The following NANOS3 variants were observed in gnomAD, a reference collection of about 807,000 sequenced individuals.
NANOS3 encodes the protein nanos C2HC-type zinc finger 3.
Under a neutral mutation model 13.8 loss-of-function variants are expected in NANOS3, and 11 were observed. The observed-to-expected ratio is 0.80, with a 90% CI of 0.50 to 1.32. NANOS3 has a LOEUF of 1.32. Ranked by LOEUF, NANOS3 falls within the 40% of genes most tolerant of loss-of-function variation. NANOS3 has a pLI of 0.00. For synonymous variants in NANOS3, 119 were observed against 115.4 expected (o/e 1.03, Z -0.20); for missense variants, 221 against 263.8 (o/e 0.84, Z 1.12).
At chr19:13,865,300 C>A (rs1255559589), upstream of NANOS3, 1 of 143,216 alleles carries the variant, frequency 7.0e-6, no homozygotes. Flanking sequence ...CCCCCCCCCG[C>A]CCACGGCCTA....
At chr19:13,877,909 G>A (rs892969935) in intron 1 of NANOS3, 144 bp downstream of exon 1, 26 of 1,402,048 alleles carry the variant, frequency 1.9e-5, no homozygotes, top group South Asian at 6.2e-5. Context: ...TTTTATTTAC[G>A]TATTTATTTA....
At chr19:13,874,879 C>T (rs532036209), upstream of NANOS3, 1 of 524,686 alleles carries the variant, frequency 1.9e-6, no homozygotes, top group Non-Finnish European at 4.0e-6. Context: ...GGGCACGTCC[C>T]CTCCCCTAGG....
upstream of NANOS3, among the ~76,000 whole-genome samples, chr19:13,862,480 G>T (rs1205476336): frequency 6.6e-6 from 1 of 152,148 alleles, no homozygotes; most frequent in Non-Finnish European, 1.5e-5. Flanking sequence ...GCCGGTCCTG[G>T]AGAAGAGACG....
At chr19:13,872,097 G>A (rs1599301003) in intron 1 of NANOS3, among the ~76,000 whole-genome samples, 2 of 151,976 alleles carry the variant, frequency 1.3e-5, no homozygotes, top group Admixed American at 6.6e-5. Flanking sequence ...GCTGGGTGCC[G>A]TGGTTCATGC....
intron 1 of NANOS3, among the ~76,000 whole-genome samples, chr19:13,879,180 C>T (rs1968579554): frequency 6.6e-6 from 1 of 151,960 alleles, no homozygotes; most frequent in Non-Finnish European, 1.5e-5. Flanking sequence ...ACCTCGAGAT[C>T]CACCCGCCTT....
intron 1 of NANOS3, among the ~76,000 whole-genome samples, chr19:13,866,888 T>C (rs954336116): frequency 6.6e-5 from 10 of 151,292 alleles, no homozygotes; most frequent in Admixed American, 2.6e-4. Context: ...CACACACACA[T>C]ACACACACAC....
upstream of NANOS3, chr19:13,874,964 T>C (rs767910673): frequency 9.5e-6 from 5 of 528,448 alleles, no homozygotes; most frequent in Non-Finnish European, 2.0e-5. Context: ...CACCGGGGGA[T>C]GAATGTCACT....
At chr19:13,864,871 C>A (rs1045294767), upstream of NANOS3, among the ~76,000 whole-genome samples, 46 of 152,128 alleles carry the variant, frequency 3.0e-4, no homozygotes, top group African/African-American at 1.9e-4. Context: ...GCCCGGCACG[C>A]CCGCACGTCC....
upstream of NANOS3, among the ~76,000 whole-genome samples, chr19:13,864,366 GA>G (rs1414295682): frequency 1.3e-5 from 2 of 152,074 alleles, no homozygotes; most frequent in Non-Finnish European, 2.9e-5. Flanking sequence ...ACGTGCCCCT[GA>G]ATTGCGTGTG....
chr19:13,862,303 T>TC (rs2145058470), upstream of NANOS3: 1 of 151,526 alleles, frequency 6.6e-6, no homozygotes, highest in African/African-American at 2.4e-5. Flanking sequence ...GCCTGGGGTG[T>TC]CCAGGCAGAG....
At chr19:13,865,830 G>A (rs1397358206) in intron 1 of NANOS3, among the ~76,000 whole-genome samples, 2 of 151,274 alleles carry the variant, frequency 1.3e-5, no homozygotes, top group African/African-American at 2.4e-5. Context: ...GACCGCGCGC[G>A]GGGAGGCCAC....
chr19:13,870,127 T>C (rs1001806667), intron 1 of NANOS3, among the ~76,000 whole-genome samples: 1 of 151,840 alleles, frequency 6.6e-6, no homozygotes, highest in Non-Finnish European at 1.5e-5. Flanking sequence ...TGCGTCTCAC[T>C]CACTGCAGCC....
upstream of NANOS3, among the ~76,000 whole-genome samples, chr19:13,876,386 T>A (rs1968512716): frequency 6.6e-6 from 1 of 152,066 alleles, no homozygotes; most frequent in African/African-American, 2.4e-5. Context: ...TCTCGAACTC[T>A]TGACCTCAGG....
chr19:13,864,265 G>A (rs1189052105), upstream of NANOS3, among the ~76,000 whole-genome samples: 13 of 152,096 alleles, frequency 8.5e-5, no homozygotes, highest in Admixed American at 8.5e-4. Context: ...TGGGAGATCC[G>A]GGGAGCCCCA....
At chr19:13,876,999 G>A (rs1196640357), upstream of NANOS3, among the ~76,000 whole-genome samples, 1 of 152,134 alleles carries the variant, frequency 6.6e-6, no homozygotes, top group Admixed American at 6.5e-5. Flanking sequence ...CACAGCCAGA[G>A]GCCATACAGC....
chr19:13,864,264 C>T (rs1976198181), upstream of NANOS3, among the ~76,000 whole-genome samples: 1 of 152,012 alleles, frequency 6.6e-6, no homozygotes, highest in Non-Finnish European at 1.5e-5. Context: ...TTGGGAGATC[C>T]GGGGAGCCCC....
At chr19:13,875,110 G>A, upstream of NANOS3, 1 of 374,642 alleles carries the variant, frequency 2.7e-6, no homozygotes, top group Admixed American at 2.9e-5. Context: ...CTGGAATCTG[G>A]ATGGGCTCTG....
intron 1 of NANOS3, among the ~76,000 whole-genome samples, chr19:13,879,566 T>C (rs1968586057): frequency 6.6e-6 from 1 of 152,104 alleles, no homozygotes; most frequent in Admixed American, 6.5e-5. Flanking sequence ...TGAAACCCAG[T>C]GTCTACAAAA....
At chr19:13,867,855 A>C (rs1294084173) in intron 1 of NANOS3, among the ~76,000 whole-genome samples, 1 of 152,122 alleles carries the variant, frequency 6.6e-6, no homozygotes, top group African/African-American at 2.4e-5. Flanking sequence ...CCCAGTGGCC[A>C]TATGCCCATC....
Sources: gnomAD v4.1 joint callset for allele counts (sites outside exome capture counted in the v4.1 genomes callset) on GRCh38, gnomAD v4.1.1 for gene constraint, MANE v1.5 for transcripts, NCBI Gene and HGNC (gene_info 2026-07-23, HGNC 2026-07-21) for gene names.